Variants in CAPN3 observed in about 807,000 individuals in gnomAD.
CAPN3 encodes calpain 3, also known as calpain-3.
In CAPN3, 88 loss-of-function variants were observed where a neutral mutation model predicts 114.0. The observed-to-expected ratio is 0.77, with a 90% CI of 0.65 to 0.92. The LOEUF (loss-of-function observed/expected upper bound fraction) is 0.92. Among genes scored for constraint, CAPN3 ranks in the 40% least tolerant of loss-of-function variants. The pLI is 0.00. For missense variants in CAPN3, 1,028 were observed against 1,069.0 expected, an observed-to-expected ratio of 0.96 and a Z score of 0.53; for synonymous variants, 386 against 382.9, an observed-to-expected ratio of 1.01 and a Z score of -0.09.
intron 3 of CAPN3, among the ~76,000 whole-genome samples, 194 bp from the exon 4 acceptor site, chr15:42,387,559 C>T (rs1347606124): frequency 6.6e-6 from 1 of 152,160 alleles, no homozygotes; most frequent in Non-Finnish European, 1.5e-5. Flanking sequence ...TTCCAGCTCT[C>T]AAAAAGCACC....
chr15:42,402,670 A>G, intron 12 of CAPN3, 124 bp from the exon 13 acceptor site: 2 of 1,557,978 alleles, frequency 1.3e-6, no homozygotes, highest in Non-Finnish European at 1.7e-6. Context: ...AGTCGGAAGT[A>G]GGGAGGTTGA....
At chr15:42,360,486 G>A (rs1161812610) in intron 1 of CAPN3, among the ~76,000 whole-genome samples, 6 of 151,942 alleles carry the variant, frequency 3.9e-5, no homozygotes, top group Admixed American at 2.6e-4. Context: ...GTACCTGTTC[G>A]TTTTAAATAT....
chr15:42,409,727 TG>T, intron 17 of CAPN3, 59 bp from the exon 18 acceptor site: 1 of 1,455,432 alleles, frequency 6.9e-7, no homozygotes, highest in Non-Finnish European at 9.7e-7. Flanking sequence ...TTTTGCAAAG[TG>T]TCCGCGCCAG....
rs1221163311 is a variant in CAPN3, at chr15:42,372,073, G to GT, written c.309+11960dup. 6.6e-5 allele frequency among the ~76,000 whole-genome samples: 10 copies of GT among 151,932 alleles called. 1 individual carries two copies. Among genetic ancestry groups the GT allele is most frequent in the Non-Finnish European group, 1.5e-4 (10 of 67,986 alleles). ...AGAATACACATCTTGACAATATTGAGTCTTCCTATCCATGAAGCAGGGATG... is the reference window on the plus strand; with the variant it reads ...AGAATACACATCTTGACAATATTGAGTTCTTCCTATCCATGAAGCAGGGATG... On this transcript the variant is annotated intron_variant, in intron 1 of 23. Coordinates refer to ENST00000397163, the MANE Select transcript of CAPN3 (RefSeq NM_000070.3).
At chr15:42,375,599 G>A (rs2053070598) in intron 1 of CAPN3, among the ~76,000 whole-genome samples, 1 of 152,166 alleles carries the variant, frequency 6.6e-6, no homozygotes, top group Non-Finnish European at 1.5e-5. Flanking sequence ...AGATCTGCAA[G>A]ATGATCCATT....
Position 42,359,908 on chromosome 15 carries a change from G to A in CAPN3, c.103G>A (p.Gly35Arg). 1 of 1,614,178 alleles carries A rather than the reference G, an allele frequency of 6.2e-7. No individual in the cohort carries two copies. Among genetic ancestry groups the A allele is most frequent in the Non-Finnish European group, 8.5e-7 (1 of 1,180,026 alleles). Reference sequence around the variant, plus strand: ...GGCCCAGAGCAAGGCCACTGAGGCTGGGGGTGGAAACCCAAGTGGCATCTA... The same window carrying A: ...GGCCCAGAGCAAGGCCACTGAGGCTAGGGGTGGAAACCCAAGTGGCATCTA... ...HPAQSKATEA[G>R]GGNPSGIYSA... is the part of the protein sequence containing the mutation. The change falls in exon 1 of 24, where the codon GGG becomes AGG. Residue 35 changes from glycine to arginine, a missense_variant. By Grantham distance (125) the Gly-to-Arg change is moderately radical. Transcript: ENST00000397163.
chr15:42,376,515 C>T (rs1348158234), intron 1 of CAPN3, among the ~76,000 whole-genome samples: 2 of 150,432 alleles, frequency 1.3e-5, no homozygotes, highest in African/African-American at 4.9e-5. Context: ...TCAGTTGGCT[C>T]CTGTGTCTAT....
At chr15:42,369,568 ATTC>A (rs571115666) in intron 1 of CAPN3, among the ~76,000 whole-genome samples, 1 of 152,114 alleles carries the variant, frequency 6.6e-6, no homozygotes, top group African/African-American at 2.4e-5. Context: ...CATTGCAGTC[ATTC>A]TTCTTTTTCA....
chr15:42,409,898 A>C, intron 18 of CAPN3, 33 bp from the exon 19 acceptor site: 3 of 1,612,508 alleles, frequency 1.9e-6, no homozygotes, highest in Non-Finnish European at 2.5e-6. Context: ...CCGTTGTCTC[A>C]AAGCAGCTCC....
intron 13 of CAPN3, 106 bp downstream of exon 13, chr15:42,403,108 G>A: frequency 1.1e-6 from 1 of 890,060 alleles, no homozygotes; most frequent in Non-Finnish European, 1.8e-6. Context: ...GGGTCCTTCT[G>A]CTGCTCCTGA....
intron 9 of CAPN3, among the ~76,000 whole-genome samples, chr15:42,399,233 CAT>C (rs1008579471): frequency 1.3e-5 from 2 of 152,160 alleles, no homozygotes; most frequent in Non-Finnish European, 2.9e-5. Context: ...TTAGCTCTCA[CAT>C]ATGAGTGAGA....
chr15:42,402,510 G>T (rs1174088326), intron 12 of CAPN3: 1 of 1,433,758 alleles, frequency 7.0e-7, no homozygotes, highest in African/African-American at 1.4e-5. Context: ...GGCCTCCTTG[G>T]GGGTCCTTCC....
At chr15:42,376,044 G>C in intron 1 of CAPN3, among the ~76,000 whole-genome samples, 1 of 152,144 alleles carries the variant, frequency 6.6e-6, no homozygotes, top group East Asian at 1.9e-4. Flanking sequence ...ATTTGTCTGC[G>C]GTTTTTCTCC....
intron 15 of CAPN3, among the ~76,000 whole-genome samples, chr15:42,407,060 C>G (rs929591653): frequency 6.6e-6 from 1 of 152,040 alleles, no homozygotes; most frequent in Non-Finnish European, 1.5e-5. Context: ...GCATTGCAGC[C>G]TCAATCCCCA....
intron 6 of CAPN3, among the ~76,000 whole-genome samples, chr15:42,391,871 A>G (rs1051800829): frequency 6.6e-6 from 1 of 152,192 alleles, no homozygotes; most frequent in African/African-American, 2.4e-5. Context: ...GATGTAAAGA[A>G]GGCTAGACTT....
chr15:42,373,648 GGA>G (rs150008240), intron 1 of CAPN3, among the ~76,000 whole-genome samples: 6,385 of 152,236 alleles, frequency 0.042, 412 homozygotes, highest in African/African-American at 0.13. Context: ...TTGCAACAGT[GGA>G]TATCTGCTCA....
chr15:42,402,330 A>T, intron 12 of CAPN3, 195 bp downstream of exon 12: 1 of 1,507,728 alleles, frequency 6.6e-7, no homozygotes, highest in Non-Finnish European at 8.8e-7. Flanking sequence ...CACCCCCAGG[A>T]TGTGCACTTT....
intron 14 of CAPN3, chr15:42,404,500 CAGTA>C: frequency 2.2e-6 from 1 of 453,470 alleles, no homozygotes; most frequent in South Asian, 1.6e-5. Context: ...TCACAGAGCT[CAGTA>C]AGTGGCAGGG....
intron 1 of CAPN3, among the ~76,000 whole-genome samples, chr15:42,370,455 C>T (rs7166785): frequency 6.6e-6 from 1 of 152,122 alleles, no homozygotes; most frequent in East Asian, 1.9e-4. Flanking sequence ...CTAGTGCCTA[C>T]GACCCAGTTG....
Sources: allele counts gnomAD v4.1 joint callset (sites outside exome capture counted in the v4.1 genomes callset), GRCh38; gene constraint gnomAD v4.1.1; transcripts MANE v1.5; gene names NCBI Gene and HGNC (gene_info 2026-07-23, HGNC 2026-07-21).